The following EYS variants were observed in gnomAD, a reference collection of about 807,000 sequenced individuals.
The protein encoded by EYS is protein eyes shut homolog.
A neutral mutation model predicts 282.1 loss-of-function variants in EYS; 250 were observed. The ratio of observed to expected loss-of-function variants is 0.89; its 90% confidence interval spans 0.80 to 0.98. The LOEUF (loss-of-function observed/expected upper bound fraction) is 0.98, where lower values mean the gene tolerates loss of function less well. Among genes scored for constraint, EYS ranks in the 50% least tolerant of loss-of-function variants. EYS has a pLI of 0.00. For synonymous variants in EYS, 1,355 were observed against 1,282.9 expected, an observed-to-expected ratio of 1.06 and a Z score of -1.20; for missense variants, 4,016 against 3,709.0, an observed-to-expected ratio of 1.08 and a Z score of -2.15.
rs1176861326 is a variant in EYS, at chr6:64,233,437, C to T, written c.6192-2613G>A. ...ATATATTTAAAAAGGAAAATTAGTT[C>T]ACACTGCTAAAATTTTACCTTATTT... On this transcript the variant is annotated intron_variant, in intron 30 of 42. Transcript: ENST00000503581. 2.0e-5 allele frequency among the ~76,000 whole-genome samples: 3 copies of T among 152,026 alleles called. No individual in the cohort carries two copies. In the East Asian group the frequency reaches 5.8e-4, roughly 29 times the overall value.
chr6:64,369,732 T>C (rs556809106), intron 29 of EYS, among the ~76,000 whole-genome samples: 1 of 152,052 alleles, frequency 6.6e-6, no homozygotes, highest in East Asian at 2.0e-4. Context: ...TCCCATAGTC[T>C]TTGTCCTAAA....
At chr6:64,371,166 C>T (rs1459770710) in intron 29 of EYS, among the ~76,000 whole-genome samples, 1 of 152,016 alleles carries the variant, frequency 6.6e-6, no homozygotes, top group Non-Finnish European at 1.5e-5. Flanking sequence ...CTATAAGTTT[C>T]CCTTGGAACA....
chr6:63,911,027 A>G (rs995069116), intron 35 of EYS, among the ~76,000 whole-genome samples: 2 of 152,116 alleles, frequency 1.3e-5, no homozygotes, highest in Non-Finnish European at 2.9e-5. Context: ...TCAGTGAGAG[A>G]GAAACAAACA....
intron 26 of EYS, among the ~76,000 whole-genome samples, chr6:64,572,693 A>G (rs761030127): frequency 3.0e-4 from 46 of 152,268 alleles, no homozygotes; most frequent in Middle Eastern, 3.4e-3. Context: ...ATAATAAAAT[A>G]CCTAGGAATC....
chr6:64,363,585 A>G (rs1187292737), intron 29 of EYS, among the ~76,000 whole-genome samples: 1 of 151,628 alleles, frequency 6.6e-6, no homozygotes, highest in Non-Finnish European at 1.5e-5. Context: ...TGATAAGTTA[A>G]GTTACTTGTT....
intron 33 of EYS, among the ~76,000 whole-genome samples, chr6:64,061,008 C>A (rs2149851268): frequency 6.6e-6 from 1 of 152,262 alleles, no homozygotes; most frequent in East Asian, 1.9e-4. Context: ...ACTTTGGCTA[C>A]CCTAAGAGTT....
At chr6:65,621,601 G>A (rs1009956807) in intron 2 of EYS, among the ~76,000 whole-genome samples, 3 of 150,740 alleles carry the variant, frequency 2.0e-5, no homozygotes, top group South Asian at 2.1e-4. Flanking sequence ...TCATTATGAT[G>A]TTAGCTGGTT....
chr6:65,317,323 T>A (rs1769320658), intron 11 of EYS, among the ~76,000 whole-genome samples: 1 of 152,206 alleles, frequency 6.6e-6, no homozygotes, highest in Non-Finnish European at 1.5e-5. Context: ...GTCATTTATA[T>A]TTCTCCAGAA....
intron 2 of EYS, among the ~76,000 whole-genome samples, chr6:65,618,712 T>C (rs1766327794): frequency 6.6e-6 from 1 of 152,210 alleles, no homozygotes; most frequent in African/African-American, 2.4e-5. Context: ...CTTTAATCCA[T>C]CTTGAATTGA....
intron 12 of EYS, among the ~76,000 whole-genome samples, chr6:65,266,283 C>G (rs533616113): frequency 1.1e-4 from 16 of 151,878 alleles, no homozygotes; most frequent in Non-Finnish European, 8.8e-5. Flanking sequence ...ACCATACAGA[C>G]TTTAAGGACT....
At chr6:65,677,990 T>C (rs1161998127) in intron 1 of EYS, among the ~76,000 whole-genome samples, 1 of 152,020 alleles carries the variant, frequency 6.6e-6, no homozygotes, top group Non-Finnish European at 1.5e-5. Context: ...GGAGGCTGGG[T>C]AATTTATAAA....
At chr6:64,346,018 G>C (rs1771376639) in intron 29 of EYS, among the ~76,000 whole-genome samples, 2 of 152,236 alleles carry the variant, frequency 1.3e-5, no homozygotes, top group South Asian at 2.1e-4. Flanking sequence ...TCTCACACCG[G>C]TTAGAATGGT....
In EYS at chr6:63,721,343, AG is replaced by A; in HGVS notation, c.8687del (p.Thr2896IlefsTer22). ...AATCTGGCAAACATCTGCAAGAAAA[AG>A]TTGTGCCATTTACTGTACATTCACC... is the stretch of plus-strand genomic sequence containing the variant. ...NGGECTVNGT[T>X]FSCRCLPDWA... On this transcript the variant is annotated frameshift_variant, in exon 43 of 43. Transcript: ENST00000503581. LOFTEE classifies it low-confidence loss of function (END_TRUNC). 1 of 1,551,956 alleles carries A rather than the reference AG, an allele frequency of 6.4e-7. No homozygotes were observed. The highest frequency in any genetic ancestry group is 8.7e-7 in the Non-Finnish European group (1 of 1,146,990).
At chr6:63,885,377 A>G (rs1157518586) in intron 35 of EYS, among the ~76,000 whole-genome samples, 1 of 152,160 alleles carries the variant, frequency 6.6e-6, no homozygotes, top group Non-Finnish European at 1.5e-5. Context: ...AGAACTAAAC[A>G]TTCTTCTCAT....
chr6:65,649,678 T>C (rs1323617900), intron 1 of EYS, among the ~76,000 whole-genome samples: 1 of 152,214 alleles, frequency 6.6e-6, no homozygotes, highest in Admixed American at 6.5e-5. Context: ...CGCTCCTTTC[T>C]CTAGATCAGA....
chr6:64,823,043 C>T (rs1481722711), intron 19 of EYS, among the ~76,000 whole-genome samples: 2 of 151,898 alleles, frequency 1.3e-5, no homozygotes, highest in Non-Finnish European at 2.9e-5. Context: ...AAAGCACAAG[C>T]TTAATCTACT....
chr6:64,699,830 C>T (rs1350187962), intron 22 of EYS, among the ~76,000 whole-genome samples: 1 of 151,984 alleles, frequency 6.6e-6, no homozygotes, highest in Non-Finnish European at 1.5e-5. Context: ...AGGGAATCCT[C>T]CATAACCCAT....
chr6:64,875,031 C>G (rs1346768707), intron 19 of EYS, among the ~76,000 whole-genome samples: 1 of 152,002 alleles, frequency 6.6e-6, no homozygotes, highest in Non-Finnish European at 1.5e-5. Flanking sequence ...CCTGGAGCAC[C>G]AGAGTCATTT....
chr6:64,857,293 C>G (rs1283405462), intron 19 of EYS, among the ~76,000 whole-genome samples: 2 of 152,054 alleles, frequency 1.3e-5, no homozygotes, highest in Non-Finnish European at 2.9e-5. Flanking sequence ...CTCCTTTTGC[C>G]CAACCTCTGG....
Sources: allele counts gnomAD v4.1 joint callset (sites outside exome capture counted in the v4.1 genomes callset), GRCh38; gene constraint gnomAD v4.1.1; transcripts MANE v1.5; gene names NCBI Gene and HGNC (gene_info 2026-07-23, HGNC 2026-07-21).